Variants in RAB3GAP1 observed in about 807,000 individuals in gnomAD.
RAB3GAP1 encodes the protein RAB3 GTPase activating protein catalytic subunit 1.
RAB3GAP1 carries 86 observed loss-of-function variants against 130.7 expected under a neutral mutation model. The ratio of observed to expected loss-of-function variants is 0.66; its 90% confidence interval spans 0.55 to 0.79. The LOEUF (loss-of-function observed/expected upper bound fraction) is 0.79, where lower values mean the gene tolerates loss of function less well. RAB3GAP1 is among the 30% of genes least tolerant of loss of function. The probability of loss-of-function intolerance (pLI) is 0.00; values close to 1 mark genes in which losing one functional copy is unlikely to be tolerated. For synonymous variants in RAB3GAP1, 367 were observed against 401.7 expected, an observed-to-expected ratio of 0.91 and a Z score of 1.03; for missense variants, 1,029 against 1,169.4, an observed-to-expected ratio of 0.88 and a Z score of 1.75.
At chr2:135,136,497 T>C in intron 17 of RAB3GAP1, 1 of 217,688 alleles carries the variant, frequency 4.6e-6, no homozygotes, top group South Asian at 6.3e-5. Context: ...AAATAAACTT[T>C]TGGGGCTTTT....
intron 3 of RAB3GAP1, among the ~76,000 whole-genome samples, chr2:135,077,043 G>A (rs1236226295): frequency 6.6e-6 from 1 of 152,188 alleles, no homozygotes; most frequent in Admixed American, 6.5e-5. Flanking sequence ...GCCAAGGCGG[G>A]TGGATCACCT....
chr2:135,057,648 C>G (rs1475045167), intron 2 of RAB3GAP1, among the ~76,000 whole-genome samples: 3 of 152,222 alleles, frequency 2.0e-5, no homozygotes, highest in African/African-American at 7.2e-5. Flanking sequence ...GCATGAGCCA[C>G]TGCACCCAGC....
chr2:135,167,842 G>A (rs1035899802), intron 23 of RAB3GAP1: 14 of 681,192 alleles, frequency 2.1e-5, no homozygotes, highest in Admixed American at 7.3e-5. Flanking sequence ...GATGTTTAGC[G>A]CAACATGATT....
At position 135,069,218 on chromosome 2, in the gene RAB3GAP1, C is replaced by T. The variant is rs539242173; in HGVS notation, c.150+11132C>T. On this transcript the variant is annotated intron_variant, in intron 3 of 23. Transcript: ENST00000264158. ...ATTAACCCCTTGAACTTGTCATGTT[C>T]CCTTTGTATAAGATATGCAGTGTAA... Among the ~76,000 whole-genome samples, 41 of 152,242 alleles carry T rather than the reference C, an allele frequency of 2.7e-4. No individual in the cohort carries two copies. In the South Asian group the frequency reaches 8.1e-3, roughly 30 times the overall value.
chr2:135,082,302 A>G (rs896138247), intron 3 of RAB3GAP1, among the ~76,000 whole-genome samples: 1 of 152,118 alleles, frequency 6.6e-6, no homozygotes, highest in Non-Finnish European at 1.5e-5. Flanking sequence ...TATTTTCACC[A>G]CCACCTAAAG....
At chr2:135,150,345 G>C (rs768412614) in intron 17 of RAB3GAP1, 24 bp from the exon 18 acceptor site, 1 of 1,613,978 alleles carries the variant, frequency 6.2e-7, no homozygotes, top group Non-Finnish European at 8.5e-7. Flanking sequence ...CTGTTTATGA[G>C]CCTTGTCCTT....
At chr2:135,107,599 A>G (rs1486716333) in intron 5 of RAB3GAP1, among the ~76,000 whole-genome samples, 1 of 152,202 alleles carries the variant, frequency 6.6e-6, no homozygotes, top group Non-Finnish European at 1.5e-5. Context: ...TAAGTGATAG[A>G]TATTTAACTT....
chr2:135,124,012 G>C, intron 8 of RAB3GAP1, 153 bp from the exon 9 acceptor site: 1 of 647,404 alleles, frequency 1.5e-6, no homozygotes, highest in East Asian at 2.8e-5. Flanking sequence ...AATATTGTTA[G>C]ACTACATATG....
chr2:135,161,958 T>G (rs535621548), intron 19 of RAB3GAP1, among the ~76,000 whole-genome samples: 3 of 152,268 alleles, frequency 2.0e-5, no homozygotes, highest in East Asian at 1.9e-4. Context: ...CTTAAAATTT[T>G]TATTGATGTA....
At chr2:135,112,834 T>TCACACACACA (rs200860381) in intron 5 of RAB3GAP1, among the ~76,000 whole-genome samples, 8 of 132,372 alleles carry the variant, frequency 6.0e-5, no homozygotes, top group East Asian at 4.4e-4. Flanking sequence ...TCTCTCTCTC[T>TCACACACACA]CACACACACA....
chr2:135,079,798 T>C (rs531473121), intron 3 of RAB3GAP1, among the ~76,000 whole-genome samples: 2 of 152,366 alleles, frequency 1.3e-5, no homozygotes, highest in South Asian at 4.1e-4. Flanking sequence ...TTTGGTAACC[T>C]GGGACAGGTT....
At chr2:135,155,099 T>G (rs1692273657) in intron 19 of RAB3GAP1, among the ~76,000 whole-genome samples, 1 of 151,984 alleles carries the variant, frequency 6.6e-6, no homozygotes, top group Non-Finnish European at 1.5e-5. Flanking sequence ...GAATCAGATA[T>G]CCTCAAACAG....
At chr2:135,066,563 C>A (rs925239551) in intron 3 of RAB3GAP1, among the ~76,000 whole-genome samples, 1 of 152,174 alleles carries the variant, frequency 6.6e-6, no homozygotes, top group Non-Finnish European at 1.5e-5. Flanking sequence ...GCCTTCAGAA[C>A]CCATGTTCTT....
intron 2 of RAB3GAP1, among the ~76,000 whole-genome samples, chr2:135,056,154 G>A (rs1480432616): frequency 6.7e-6 from 1 of 149,996 alleles, no homozygotes; most frequent in Admixed American, 6.7e-5. Context: ...TCCTTCTAAC[G>A]TGTGTTAAAA....
At chr2:135,130,466 T>C (rs1312413608) in intron 12 of RAB3GAP1, 86 bp from the exon 13 acceptor site, 1 of 1,131,786 alleles carries the variant, frequency 8.8e-7, no homozygotes. Flanking sequence ...ATGAGTAAAA[T>C]ATTCTATATA....
At position 135,158,107 on chromosome 2, in the gene RAB3GAP1, A is replaced by G. The variant is rs74821284; in HGVS notation, c.2289+4231A>G. On this transcript the variant is annotated intron_variant, in intron 19 of 23. Coordinates refer to ENST00000264158, the MANE Select transcript of RAB3GAP1 (RefSeq NM_012233.3). ...GGACTTACGAGTTTTTAAAATATGGATAGGTATGTGGGTATGGACATAGTA... is the reference window on the plus strand; with the variant it reads ...GGACTTACGAGTTTTTAAAATATGGGTAGGTATGTGGGTATGGACATAGTA... 3.1e-3 allele frequency among the ~76,000 whole-genome samples: 477 copies of G among 152,222 alleles called. 3 individuals carry two copies. Among genetic ancestry groups the G allele is most frequent in the African/African-American group, 0.011 (441 of 41,544 alleles).
At chr2:135,061,840 A>T (rs1163055389) in intron 3 of RAB3GAP1, among the ~76,000 whole-genome samples, 1 of 152,050 alleles carries the variant, frequency 6.6e-6, no homozygotes, top group Admixed American at 6.5e-5. Context: ...GGAAGTAGGG[A>T]TCAAGTTTCT....
chr2:135,070,394 G>A (rs1001320981), intron 3 of RAB3GAP1, among the ~76,000 whole-genome samples: 2 of 152,200 alleles, frequency 1.3e-5, no homozygotes, highest in Non-Finnish European at 2.9e-5. Flanking sequence ...ATAGCTCATC[G>A]TGGATAGAAG....
chr2:135,154,257 A>T (rs931828993), intron 19 of RAB3GAP1, among the ~76,000 whole-genome samples: 2 of 152,238 alleles, frequency 1.3e-5, no homozygotes, highest in Non-Finnish European at 2.9e-5. Flanking sequence ...AAAAGTAGAA[A>T]CAACCAAAGT....
Sources: allele counts gnomAD v4.1 joint callset (sites outside exome capture counted in the v4.1 genomes callset), GRCh38; gene constraint gnomAD v4.1.1; transcripts MANE v1.5; gene names NCBI Gene and HGNC (gene_info 2026-07-23, HGNC 2026-07-21).